Variants in PITPNM3 observed in about 807,000 individuals in gnomAD.
PITPNM3 encodes the protein membrane-associated phosphatidylinositol transfer protein 3.
A neutral mutation model predicts 102.0 loss-of-function variants in PITPNM3; 26 were observed. The ratio of observed to expected loss-of-function variants is 0.25; its 90% CI spans 0.19 to 0.35. The LOEUF (loss-of-function observed/expected upper bound fraction) is 0.35, where lower values mean the gene tolerates loss of function less well. PITPNM3 is among the 10% of genes least tolerant of loss of function. The probability of loss-of-function intolerance (pLI) is 1.00; values close to 1 mark genes in which losing one functional copy is unlikely to be tolerated. For synonymous variants in PITPNM3, 578 were observed against 558.6 expected, an observed-to-expected ratio of 1.03 and a Z score of -0.49; for missense variants, 1,083 against 1,346.1, an observed-to-expected ratio of 0.80 and a Z score of 3.06.
At position 6,486,223 on chromosome 17, in the gene PITPNM3, A is replaced by G. The variant is rs1013877610; in HGVS notation, c.275-1931T>C. Among the ~76,000 whole-genome samples the G allele has an allele frequency of 9.9e-5, 15 of 152,168 alleles. No homozygotes were observed. In the South Asian group the frequency reaches 1.2e-3, roughly 13 times the overall value. On this transcript the variant is annotated intron_variant, in intron 4 of 19. Coordinates refer to ENST00000262483, the MANE Select transcript of PITPNM3 (RefSeq NM_031220.4). ...CCTCCCGTGTGTGGCTAAAACCTAC[A>G]GCCAAGCTGAACCACCTGTTTGTCT...
rs1274664430 is a variant in PITPNM3, at chr17:6,472,907, C to G, written c.1259-80G>C. The G allele has an allele frequency of 6.6e-7, 1 of 1,509,838 alleles. No homozygotes were observed. Among genetic ancestry groups the G allele is most frequent in the Non-Finnish European group, 9.1e-7 (1 of 1,102,274 alleles). 93.5% of individuals were successfully genotyped at this position (1,509,838 alleles called of 1,614,324 possible). ...CCCTAGGAGGCTCCCTGGAATGCAG[C>G]CTGGAGTAGCCTACTCCCCTCTCAA... is the stretch of plus-strand genomic sequence containing the variant. On this transcript the variant is annotated intron_variant, in intron 10 of 19. Transcript: ENST00000262483. The surrounding 1 kb of genome is among the most constrained non-coding windows in gnomAD (Gnocchi z 4.1).
Position 6,457,683 on chromosome 17 carries a change from C to A in PITPNM3, c.2530G>T (p.Asp844Tyr). The change falls in exon 19 of 20, where the codon GAC (aspartate) becomes TAC (tyrosine). Residue 844 changes from aspartate to tyrosine, a missense_variant. Around this residue, in one of 5 missense-constraint regions of PITPNM3, gnomAD observed 410 missense variants for 638.4 expected, o/e 0.64. Coordinates refer to ENST00000262483, the MANE Select transcript of PITPNM3 (RefSeq NM_031220.4). The surrounding 1 kb of genome is among the most constrained non-coding windows in gnomAD (Gnocchi z 4.7). ...KISAAYGSTK[D>Y]ISVYSVLGLP... ...CCCAGCACGCTGTAGACAGAGATGT[C>A]CTTCGTGGAGCCATAGGCCGCACTG... is the stretch of plus-strand genomic sequence containing the variant. The A allele has an allele frequency of 6.2e-7, 1 of 1,604,908 alleles. No homozygotes were observed. Among genetic ancestry groups the A allele is most frequent in the Non-Finnish European group, 8.5e-7 (1 of 1,175,730 alleles).
chr17:6,512,340 G>A (rs113505099), intron 3 of PITPNM3, among the ~76,000 whole-genome samples: 114 of 144,834 alleles, frequency 7.9e-4, no homozygotes, highest in African/African-American at 3.0e-3. Context: ...AAACTGGCAT[G>A]TGCACAAATA....
At position 6,455,561 on chromosome 17, in the gene PITPNM3, A is replaced by C; in HGVS notation, c.2702T>G (p.Met901Arg). 2 of 1,602,214 alleles carry C rather than the reference A, an allele frequency of 1.2e-6. No individual in the cohort carries two copies. Residue 901 changes from methionine (M) to arginine (R), a missense_variant, in exon 20 of 20, where the codon ATG (methionine) becomes AGG (arginine). By Grantham distance (91) the Met-to-Arg change is moderately conservative. Transcript: ENST00000262483. Reference sequence around the variant, plus strand: ...CCCGAAGCTGCCCTTGCGCAGGATCATGCGCGAGTTGTTCTTCTTTGGGCG... The same window carrying C: ...CCCGAAGCTGCCCTTGCGCAGGATCCTGCGCGAGTTGTTCTTCTTTGGGCG... ...RSRPKKNNSRMILRKGSFGLH... is the reference protein window; with the variant it reads ...RSRPKKNNSRRILRKGSFGLH...
At chr17:6,553,813 T>C (rs1273893683) in intron 1 of PITPNM3, among the ~76,000 whole-genome samples, 1 of 151,156 alleles carries the variant, frequency 6.6e-6, no homozygotes. Context: ...CCGAGGCAGG[T>C]GGTACTGAAC....
intron 14 of PITPNM3, among the ~76,000 whole-genome samples, chr17:6,467,883 T>C (rs1286132200): frequency 6.6e-6 from 1 of 152,214 alleles, no homozygotes; most frequent in Non-Finnish European, 1.5e-5. Flanking sequence ...CCATACTCAA[T>C]GGTAAGTGAC....
intron 5 of PITPNM3, 123 bp downstream of exon 5, chr17:6,484,093 C>G: frequency 8.9e-7 from 1 of 1,127,046 alleles, no homozygotes; most frequent in Non-Finnish European, 1.3e-6. Flanking sequence ...ACAGACCCAC[C>G]CAGGGTCACA....
chr17:6,468,324 G>A lies in PITPNM3; in HGVS notation c.1791C>T (p.Ser597=), dbSNP rs111643862. Residue 597 remains serine (S), a synonymous_variant, in exon 14 of 20, where the codon AGC becomes AGT. Coordinates refer to ENST00000262483, the MANE Select transcript of PITPNM3 (RefSeq NM_031220.4). The surrounding 1 kb of genome is among the most constrained non-coding windows in gnomAD (Gnocchi z 5.2). ...GGCGGGCGCTTTCCTTGATGTTCAC[G>A]CTCTCATAGCGCATTACCTAGCCAA... is the stretch of plus-strand genomic sequence containing the variant. The part of the protein sequence containing the change: ...FILRQVMRYE[S]VNIKESARLD... 6.9e-5 allele frequency: 112 copies of A among 1,614,084 alleles called. 1 individual carries two copies. In the Admixed American group the frequency reaches 7.3e-4, roughly 11 times the overall value.
intron 2 of PITPNM3, among the ~76,000 whole-genome samples, chr17:6,533,697 C>T (rs951719920): frequency 1.8e-4 from 27 of 152,114 alleles, no homozygotes; most frequent in Non-Finnish European, 3.5e-4. Context: ...ACTCGTGATC[C>T]GCCTGCCTCT....
intron 4 of PITPNM3, among the ~76,000 whole-genome samples, chr17:6,494,774 C>T (rs1044727291): frequency 6.6e-6 from 1 of 152,302 alleles, no homozygotes; most frequent in South Asian, 2.1e-4. Flanking sequence ...TGCAAAATGC[C>T]TTTGACCCAG....
chr17:6,485,583 G>A (rs1399208501), intron 4 of PITPNM3, among the ~76,000 whole-genome samples: 1 of 152,178 alleles, frequency 6.6e-6, no homozygotes, highest in Non-Finnish European at 1.5e-5. Flanking sequence ...AAATAATAGA[G>A]GCTTGAATTA....
chr17:6,502,841 A>T (rs904720128), intron 4 of PITPNM3, among the ~76,000 whole-genome samples: 2 of 152,126 alleles, frequency 1.3e-5, no homozygotes, highest in African/African-American at 4.8e-5. Flanking sequence ...AGATGTCCTG[A>T]GGTCACTATG....
In PITPNM3 at chr17:6,455,054, GC is replaced by G; in HGVS notation, c.*283del. On this transcript the variant is annotated 3_prime_UTR_variant, in exon 20 of 20. Transcript: ENST00000262483. ...AAACGCTTCAGCCCCGGGCAAGCCT[GC>G]CCCCAGGATGACACAAACATGAACC... The G allele has an allele frequency of 2.1e-6, 1 of 478,436 alleles. No individual in the cohort carries two copies. Among genetic ancestry groups the G allele is most frequent in the Non-Finnish European group, 3.7e-6 (1 of 273,844 alleles). 29.6% of individuals were successfully genotyped at this position (478,436 alleles called of 1,614,324 possible).
At chr17:6,477,907 C>G in intron 8 of PITPNM3, 68 bp downstream of exon 8, 1 of 1,600,198 alleles carries the variant, frequency 6.2e-7, no homozygotes, top group Non-Finnish European at 8.5e-7. Context: ...AACCAGCACT[C>G]TCTCCCCGAG....
intron 4 of PITPNM3, among the ~76,000 whole-genome samples, chr17:6,485,443 C>A (rs1043941542): frequency 6.6e-6 from 1 of 152,126 alleles, no homozygotes; most frequent in Admixed American, 6.5e-5. Context: ...CAGGAGTGAG[C>A]CACCATGCCT....
rs1220998417 is a variant in PITPNM3, at chr17:6,519,209, C to A, written c.226+6147G>T. Among the ~76,000 whole-genome samples the A allele has an allele frequency of 3.4e-5, 2 of 58,530 alleles. 1 individual carries two copies. Among genetic ancestry groups the A allele is most frequent in the Admixed American group, 3.3e-4 (2 of 6,028 alleles). 38.4% of individuals were successfully genotyped at this position (58,530 alleles called of 152,430 possible). On this transcript the variant is annotated intron_variant, in intron 3 of 19. Coordinates refer to ENST00000262483, the MANE Select transcript of PITPNM3 (RefSeq NM_031220.4). The stretch of plus-strand genomic sequence containing the variant: ...AAAATTAGCCGGGCGCGGTGGCGGG[C>A]GCCTGTAGTCCCAGCTACTCGGGAG...
At chr17:6,464,356 T>C (rs896096721) in intron 15 of PITPNM3, 38 bp from the exon 16 acceptor site, 3 of 1,608,130 alleles carry the variant, frequency 1.9e-6, no homozygotes, top group Non-Finnish European at 2.5e-6. Flanking sequence ...CCCTGAAGGC[T>C]GAGGGGCTAC....
chr17:6,533,794 A>G (rs940154806), intron 2 of PITPNM3, among the ~76,000 whole-genome samples: 4 of 151,986 alleles, frequency 2.6e-5, no homozygotes, highest in South Asian at 2.1e-4. Context: ...TTGTCTTCCT[A>G]TTTGTCACCT....
chr17:6,478,536 G>A lies in PITPNM3; in HGVS notation c.777+11C>T, dbSNP rs1249742389. ...GGGGAGGGGAGAGGAGGAGAGGGCAGGCTGTCCTACCTGCCCACTGAAGCC... is the reference window on the plus strand; with the variant it reads ...GGGGAGGGGAGAGGAGGAGAGGGCAAGCTGTCCTACCTGCCCACTGAAGCC... On this transcript the variant is annotated intron_variant, in intron 7 of 19. Coordinates refer to ENST00000262483, the MANE Select transcript of PITPNM3 (RefSeq NM_031220.4). This position sits in a 1 kb window ranked among gnomAD's most constrained non-coding sequence, Gnocchi z 4.4. The A allele has an allele frequency of 1.2e-6, 2 of 1,613,638 alleles. No homozygotes were observed. Among genetic ancestry groups the A allele is most frequent in the African/African-American group, 2.7e-5 (2 of 74,918 alleles).
Sources: gnomAD v4.1 joint callset for allele counts (sites outside exome capture counted in the v4.1 genomes callset) on GRCh38, gnomAD v4.1.1 for gene constraint, gnomAD v4.1.1 regional missense constraint, Gnocchi (gnomAD v3.1) non-coding constraint, MANE v1.5 for transcripts, NCBI Gene and HGNC (gene_info 2026-07-23, HGNC 2026-07-21) for gene names.